Variants in ZNF83 observed in about 807,000 individuals in gnomAD.
ZNF83 encodes the protein zinc finger protein 83.
For synonymous variants in ZNF83, 209 were observed against 213.0 expected, an observed-to-expected ratio of 0.98 and a Z score of 0.17; for missense variants, 552 against 629.9, an observed-to-expected ratio of 0.88 and a Z score of 1.32.
rs188435170 is a variant in ZNF83 at position 52,616,198 on chromosome 19, G to A, written c.-233-1401C>T. 2.5e-3 allele frequency among the ~76,000 whole-genome samples: 387 copies of A among 152,152 alleles called. 3 individuals carry two copies. The highest frequency in any genetic ancestry group is 0.01 in the South Asian group (50 of 4,824). Reference sequence around the variant, plus strand: ...TACAAAAACTTCAATATTCCTAGCCGTCTACCAACACCAACTTGCCAAAAG... The same window carrying A: ...TACAAAAACTTCAATATTCCTAGCCATCTACCAACACCAACTTGCCAAAAG... On this transcript the variant is annotated intron_variant, in intron 2 of 2. Transcript: ENST00000301096.
At chr19:52,621,054 C>T (rs960867507) in intron 2 of ZNF83, among the ~76,000 whole-genome samples, 4 of 152,186 alleles carry the variant, frequency 2.6e-5, no homozygotes, top group African/African-American at 4.8e-5. Flanking sequence ...GTAAAATAAA[C>T]AGCCTTGTTG....
At chr19:52,640,500 C>G (rs1398734078), upstream of ZNF83, among the ~76,000 whole-genome samples, 2 of 152,196 alleles carry the variant, frequency 1.3e-5, no homozygotes, top group African/African-American at 4.8e-5. Flanking sequence ...TCTGGGGCTG[C>G]TTAGTCTTCC....
chr19:52,651,079 A>G (rs35848025), intron 3 of ZNF83: 55 of 152,212 alleles, frequency 3.6e-4, no homozygotes, highest in Admixed American at 1.3e-3. Flanking sequence ...TACTACTCCA[A>G]TATTACTTGT....
At chr19:52,643,327 G>C (rs1055174559), upstream of ZNF83, among the ~76,000 whole-genome samples, 1 of 149,680 alleles carries the variant, frequency 6.7e-6, no homozygotes, top group African/African-American at 2.5e-5. Context: ...GCACTCACAG[G>C]CTGGACCACA....
At chr19:52,667,268 A>G (rs1293751592) in intron 1 of ZNF83, among the ~76,000 whole-genome samples, 1 of 151,966 alleles carries the variant, frequency 6.6e-6, no homozygotes, top group Non-Finnish European at 1.5e-5. Context: ...TTATGTAAAA[A>G]GAATGTTATA....
upstream of ZNF83, chr19:52,638,363 T>A (rs1373832809): frequency 9.3e-6 from 1 of 108,050 alleles, no homozygotes; most frequent in East Asian, 2.7e-4. Flanking sequence ...TTTGCGCGCA[T>A]GTGCGCGCGC....
chr19:52,654,114 A>G (rs1263736316), intron 3 of ZNF83: 4 of 1,605,242 alleles, frequency 2.5e-6, no homozygotes, highest in African/African-American at 2.7e-5. Context: ...GATGTGAATA[A>G]AAGCTTGATC....
chr19:52,645,010 TAAAA>T (rs35106617), intron 3 of ZNF83, among the ~76,000 whole-genome samples: 2 of 111,142 alleles, frequency 1.8e-5, no homozygotes, highest in Admixed American at 9.5e-5. Flanking sequence ...AACTCCATCT[TAAAA>T]AAAAAAAAAA....
chr19:52,652,535 C>T (rs2061455284), intron 3 of ZNF83: 5 of 452,354 alleles, frequency 1.1e-5, no homozygotes, highest in South Asian at 8.2e-5. Context: ...TGACTGAAGA[C>T]CTTGCTGCAA....
chr19:52,680,717 A>G (rs2061898670), intron 1 of ZNF83, among the ~76,000 whole-genome samples: 1 of 131,280 alleles, frequency 7.6e-6, no homozygotes, highest in Admixed American at 8.3e-5. Context: ...GGTTCACGCC[A>G]TTCTCCTGCC....
intron 1 of ZNF83, chr19:52,637,064 T>G (rs889741532): frequency 6.6e-6 from 1 of 152,094 alleles, no homozygotes; most frequent in Non-Finnish European, 1.5e-5. Context: ...GGCATTCTGC[T>G]CCTCATTTTG....
intron 1 of ZNF83, among the ~76,000 whole-genome samples, chr19:52,682,756 G>C (rs1245947625): frequency 6.6e-6 from 1 of 152,144 alleles, no homozygotes; most frequent in African/African-American, 2.4e-5. Context: ...TATCCTTCTA[G>C]CTCTTTGGGA....
intron 1 of ZNF83, among the ~76,000 whole-genome samples, chr19:52,684,881 C>G (rs973899596): frequency 1.3e-5 from 2 of 152,170 alleles, no homozygotes; most frequent in Admixed American, 6.5e-5. Context: ...GCCCTGGACA[C>G]AGGGCTGTGG....
chr19:52,618,266 G>GTTT (rs967173798), intron 2 of ZNF83, among the ~76,000 whole-genome samples: 13 of 142,054 alleles, frequency 9.2e-5, no homozygotes, highest in African/African-American at 2.6e-4. Context: ...TAATTTTTGT[G>GTTT]TTTTTTTTTT....
At chr19:52,643,968 GCTGGACACTGGCAGGGGCC>G (rs530813646) in intron 3 of ZNF83, among the ~76,000 whole-genome samples, 16 of 152,308 alleles carry the variant, frequency 1.1e-4, no homozygotes, top group South Asian at 2.1e-4. Context: ...CCAGGAGGAA[GCTGGACACTGGCAGGGGCC>G]CTGGACACAG....
At chr19:52,665,642 C>G (rs1199361481) in intron 1 of ZNF83, among the ~76,000 whole-genome samples, 1 of 152,150 alleles carries the variant, frequency 6.6e-6, no homozygotes, top group African/African-American at 2.4e-5. Flanking sequence ...AATTCTCCAA[C>G]CTGACTCATT....
At chr19:52,633,571 C>T (rs2061045628) in intron 2 of ZNF83, among the ~76,000 whole-genome samples, 1 of 152,176 alleles carries the variant, frequency 6.6e-6, no homozygotes, top group Non-Finnish European at 1.5e-5. Context: ...GCTTTATGGC[C>T]AAGGGCCTAA....
At chr19:52,614,088 A>G in exon 3 of ZNF83, 1 of 1,613,504 alleles carries the variant, frequency 6.2e-7, no homozygotes, top group Non-Finnish European at 8.5e-7. Flanking sequence ...GTGACATATT[A>G]TGGAAGACCT....
At chr19:52,630,369 A>AC (rs1443651480) in intron 2 of ZNF83, among the ~76,000 whole-genome samples, 1 of 152,112 alleles carries the variant, frequency 6.6e-6, no homozygotes, top group Non-Finnish European at 1.5e-5. Flanking sequence ...ACTCCACATT[A>AC]CCTTCTTTTC....
Sources: allele counts gnomAD v4.1 joint callset (sites outside exome capture counted in the v4.1 genomes callset), GRCh38; gene constraint gnomAD v4.1.1; transcripts MANE v1.5; gene names NCBI Gene and HGNC (gene_info 2026-07-23, HGNC 2026-07-21).